The following ZNF513 variants were observed in gnomAD, a reference collection of about 807,000 sequenced individuals.
The protein encoded by ZNF513 is zinc finger protein 513.
ZNF513 carries 16 observed loss-of-function variants against 39.7 expected under a neutral mutation model. The ratio of observed to expected loss-of-function variants is 0.40; its 90% CI spans 0.27 to 0.61. ZNF513 has a LOEUF of 0.61. Ranked by LOEUF, ZNF513 falls within the 20% of genes least tolerant of loss-of-function variation. The pLI is 0.39. For missense variants in ZNF513, 699 were observed against 743.6 expected (o/e 0.94, Z 0.70); for synonymous variants, 348 against 296.5 (o/e 1.17, Z -1.79).
In ZNF513 at chr2:27,378,257, T is replaced by A; in HGVS notation, c.914A>T (p.Glu305Val). 1 of 1,601,888 alleles carries A rather than the reference T, an allele frequency of 6.2e-7. No individual in the cohort carries two copies. Among genetic ancestry groups the A allele is most frequent in the South Asian group, 1.1e-5 (1 of 91,080 alleles). ...EGEGLCGTGS[E>V]PLPELLFPWT... is the part of the protein sequence containing the mutation. Reference sequence around the variant, plus strand: ...AGGGAATAGCAGCTCTGGCAGTGGTTCTGATCCAGTCCCGCAGAGGCCCTC... The same window carrying A: ...AGGGAATAGCAGCTCTGGCAGTGGTACTGATCCAGTCCCGCAGAGGCCCTC... The change falls in exon 4 of 4, where the codon GAA becomes GTA. Residue 305 changes from glutamate to valine, a missense_variant. This residue lies in a region of ZNF513 where 530 missense variants were observed against 499.3 expected (regional missense o/e 1.06). Coordinates refer to ENST00000323703, the MANE Select transcript of ZNF513 (RefSeq NM_144631.6). This position sits in a 1 kb window ranked among gnomAD's most constrained non-coding sequence, Gnocchi z 8.0.
rs201381989 is a variant in ZNF513 at position 27,377,830 on chromosome 2, G to A, written c.1341C>T (p.Ser447=). Residue 447 remains serine, a synonymous_variant, in exon 4 of 4, where the codon AGC becomes AGT. Transcript: ENST00000323703. This position sits in a 1 kb window ranked among gnomAD's most constrained non-coding sequence, Gnocchi z 4.4. ...TCTGGTTGCAGCTGTAGTTGCAAAGGCTACACCGAAAAGGTTTGTCACCAG... is the reference window on the plus strand; with the variant it reads ...TCTGGTTGCAGCTGTAGTTGCAAAGACTACACCGAAAAGGTTTGTCACCAG... ...IHSGDKPFRC[S]LCNYSCNQSM... 3 of 1,614,194 alleles carry A rather than the reference G, an allele frequency of 1.9e-6. No individual in the cohort carries two copies. The highest frequency in any genetic ancestry group is 8.5e-7 in the Non-Finnish European group (1 of 1,180,024).
chr2:27,377,496 AG>A lies in ZNF513; in HGVS notation c.*48del, dbSNP rs1310293765. 1 of 1,598,144 alleles carries A rather than the reference AG, an allele frequency of 6.3e-7. No individual in the cohort carries two copies. The highest frequency in any genetic ancestry group is 8.6e-7 in the Non-Finnish European group (1 of 1,167,098). ...AGCCCCTGGCCAGCGGGGGAGAAAA[AG>A]GTGGCTTCTGGTCCGTCTGTATAAA... On this transcript the variant is annotated 3_prime_UTR_variant, in exon 4 of 4. Transcript: ENST00000323703. The surrounding 1 kb of genome is among the most constrained non-coding windows in gnomAD (Gnocchi z 4.4).
chr2:27,379,882 TCCTATCA>T (rs1324146712), intron 2 of ZNF513, among the ~76,000 whole-genome samples: 2 of 152,154 alleles, frequency 1.3e-5, no homozygotes, highest in African/African-American at 4.8e-5. Context: ...ACCCTCCTAT[TCCTATCA>T]CCTTTGACCA....
At position 27,378,735 on chromosome 2, in the gene ZNF513, C is replaced by G; in HGVS notation, c.531G>C (p.Pro177=). 1 of 1,613,970 alleles carries G rather than the reference C, an allele frequency of 6.2e-7. No individual in the cohort carries two copies. The highest frequency in any genetic ancestry group is 2.2e-5 in the East Asian group (1 of 44,876). ...RHMQTHSGEK[P]FRCGRCPYAS... is the part of the protein sequence containing the mutation. ...CGTAGGGGCAGCGGCCACAGCGGAACGGCTTCTCTCCGCTGTGTGTCTGCA... is the reference window on the plus strand; with the variant it reads ...CGTAGGGGCAGCGGCCACAGCGGAAGGGCTTCTCTCCGCTGTGTGTCTGCA... Residue 177 remains proline (P), a synonymous_variant, in exon 3 of 4, where the codon CCG becomes CCC. Coordinates refer to ENST00000323703, the MANE Select transcript of ZNF513 (RefSeq NM_144631.6). This position sits in a 1 kb window ranked among gnomAD's most constrained non-coding sequence, Gnocchi z 8.0.
Position 27,378,270 on chromosome 2 carries a change from C to G in ZNF513, c.901G>C (p.Gly301Arg), listed in dbSNP as rs373537069. The G allele has an allele frequency of 3.1e-6, 5 of 1,601,270 alleles. No homozygotes were observed. Among genetic ancestry groups the G allele is most frequent in the Non-Finnish European group, 3.4e-6 (4 of 1,179,954 alleles). ...TCTGGCAGTGGTTCTGATCCAGTCCCGCAGAGGCCCTCCCCTTCACCCCGC... is the reference window on the plus strand; with the variant it reads ...TCTGGCAGTGGTTCTGATCCAGTCCGGCAGAGGCCCTCCCCTTCACCCCGC... ...QLRGEGEGLCGTGSEPLPELL... is the reference protein window; with the variant it reads ...QLRGEGEGLCRTGSEPLPELL... Residue 301 changes from glycine (G) to arginine (R), a missense_variant, in exon 4 of 4, where the codon GGG (glycine) becomes CGG (arginine). This residue lies in a region of ZNF513 where 530 missense variants were observed against 499.3 expected (regional missense o/e 1.06). Transcript: ENST00000323703. This position sits in a 1 kb window ranked among gnomAD's most constrained non-coding sequence, Gnocchi z 8.0.
At position 27,380,698 on chromosome 2, in the gene ZNF513, CCCGCCG is replaced by C. The variant is rs1282763709; in HGVS notation, c.-178_-173del. ...GCCCCGGCGCCCAGCTCAGGCCGCT[CCCGCCG>C]CCGCCGCCGCTTCCATTCATGGAGC... On this transcript the variant is annotated 5_prime_UTR_variant, in exon 1 of 4. Coordinates refer to ENST00000323703, the MANE Select transcript of ZNF513 (RefSeq NM_144631.6). 10 of 1,141,158 alleles carry C rather than the reference CCCGCCG, an allele frequency of 8.8e-6. No homozygotes were observed. The East Asian group carries it at 9.7e-5, about 11-fold the overall frequency. The allele number at this position is 1,141,158 out of a possible 1,614,324, so 70.7% of individuals were successfully genotyped here. A position where few individuals can be genotyped will look rare whatever the true frequency, so the allele number is the denominator to read the frequency against.
At chr2:27,379,117 C>A in intron 2 of ZNF513, 63 bp from the exon 3 acceptor site, 1 of 1,525,218 alleles carries the variant, frequency 6.6e-7, no homozygotes, top group Non-Finnish European at 9.0e-7. Context: ...AAACTCTCCC[C>A]TTTTCACTTA....
chr2:27,377,797 G>A lies in ZNF513; in HGVS notation c.1374C>T (p.Asn458=), dbSNP rs763195127. The A allele has an allele frequency of 2.6e-5, 42 of 1,614,058 alleles. No individual in the cohort carries two copies. The highest frequency in any genetic ancestry group is 1.6e-4 in the Middle Eastern group (1 of 6,084). The change falls in exon 4 of 4, where the codon AAC becomes AAT. Residue 458 remains asparagine (N), a synonymous_variant. Transcript: ENST00000323703. The surrounding 1 kb of genome is among the most constrained non-coding windows in gnomAD (Gnocchi z 4.4). ...LCNYSCNQSM[N]LKRHMLRHTG... is the part of the protein sequence containing the mutation. ...TGTGCCGCAGCATGTGACGTTTGAGGTTCATGCTCTGGTTGCAGCTGTAGT... is the reference window on the plus strand; with the variant it reads ...TGTGCCGCAGCATGTGACGTTTGAGATTCATGCTCTGGTTGCAGCTGTAGT...
chr2:27,377,541 T>G lies in ZNF513; in HGVS notation c.*4A>C. 6.2e-7 allele frequency: 1 copy of G among 1,613,950 alleles called. No individual in the cohort carries two copies. Among genetic ancestry groups the G allele is most frequent in the Non-Finnish European group, 8.5e-7 (1 of 1,179,984 alleles). ...GTATAAAACATGGGGAAGAAGGACC[T>G]AGTTCAGGATGAGTCTGTGTGGACA... is the stretch of plus-strand genomic sequence containing the variant. On this transcript the variant is annotated 3_prime_UTR_variant, in exon 4 of 4. Transcript: ENST00000323703. The surrounding 1 kb of genome is among the most constrained non-coding windows in gnomAD (Gnocchi z 4.4).
At chr2:27,379,718 G>T (rs1274496222) in intron 2 of ZNF513, among the ~76,000 whole-genome samples, 1 of 152,208 alleles carries the variant, frequency 6.6e-6, no homozygotes, top group Admixed American at 6.5e-5. Context: ...CGCTGCAGGT[G>T]AAAGGGAGTT....
chr2:27,378,720 G>A lies in ZNF513; in HGVS notation c.546C>T (p.Arg182=), dbSNP rs911414016. 1 of 1,613,860 alleles carries A rather than the reference G, an allele frequency of 6.2e-7. No homozygotes were observed. Among genetic ancestry groups the A allele is most frequent in the African/African-American group, 1.3e-5 (1 of 74,930 alleles). The change falls in exon 3 of 4, where the codon CGC becomes CGT. Residue 182 remains arginine (R), a synonymous_variant. Coordinates refer to ENST00000323703, the MANE Select transcript of ZNF513 (RefSeq NM_144631.6). This position sits in a 1 kb window ranked among gnomAD's most constrained non-coding sequence, Gnocchi z 8.0. ...HSGEKPFRCG[R]CPYASAQLVN... ...CGAGCTGGGCTGAGGCGTAGGGGCA[G>A]CGGCCACAGCGGAACGGCTTCTCTC...
At chr2:27,379,358 T>C (rs1683513983) in intron 2 of ZNF513, among the ~76,000 whole-genome samples, 1 of 152,146 alleles carries the variant, frequency 6.6e-6, no homozygotes, top group South Asian at 2.1e-4. Context: ...ATAATGAAAT[T>C]AATTCTTGAG....
At position 27,377,847 on chromosome 2, in the gene ZNF513, T is replaced by A; in HGVS notation, c.1324A>T (p.Lys442Ter). 6.2e-7 allele frequency: 1 copy of A among 1,614,158 alleles called. No individual in the cohort carries two copies. Among genetic ancestry groups the A allele is most frequent in the Non-Finnish European group, 8.5e-7 (1 of 1,180,030 alleles). Residue 442 changes from lysine to a stop codon, truncating the protein, a stop_gained, in exon 4 of 4, where the codon AAA becomes TAA. Transcript: ENST00000323703. LOFTEE classifies it high-confidence loss of function. The surrounding 1 kb of genome is among the most constrained non-coding windows in gnomAD (Gnocchi z 4.4). ...TTGCAAAGGCTACACCGAAAAGGTTTGTCACCAGAGTGGATGCGACCATGA... is the reference window on the plus strand; with the variant it reads ...TTGCAAAGGCTACACCGAAAAGGTTAGTCACCAGAGTGGATGCGACCATGA... ...KRHGRIHSGD[K>*]PFRCSLCNYS...
intron 2 of ZNF513, 114 bp downstream of exon 2, chr2:27,379,979 A>T: frequency 7.0e-7 from 1 of 1,421,904 alleles, no homozygotes; most frequent in Non-Finnish European, 9.9e-7. Context: ...TCAAATGTAA[A>T]CTAAACCAGC....
rs753854785 is a variant in ZNF513, at chr2:27,378,843, C to T, written c.423G>A (p.Gly141=). The T allele has an allele frequency of 3.1e-6, 5 of 1,607,592 alleles. No individual in the cohort carries two copies. Among genetic ancestry groups the T allele is most frequent in the Non-Finnish European group, 4.2e-6 (5 of 1,177,026 alleles). ...ACAGTAGCCGTGGGGGCAGCAGGGG[C>T]CCCCCACCCGGCCCTCCTGCCCCAC... The part of the protein sequence containing the change: ...PCCGAGGPGG[G]PLLPPRLLYS... The change falls in exon 3 of 4, where the codon GGG becomes GGA. Residue 141 remains glycine (G), a synonymous_variant. Transcript: ENST00000323703. This position sits in a 1 kb window ranked among gnomAD's most constrained non-coding sequence, Gnocchi z 8.0.
chr2:27,380,263 G>A lies in ZNF513; in HGVS notation c.56-15C>T. The A allele has an allele frequency of 6.2e-7, 1 of 1,613,626 alleles. No individual in the cohort carries two copies. Among genetic ancestry groups the A allele is most frequent in the South Asian group, 1.1e-5 (1 of 91,054 alleles). Reference sequence around the variant, plus strand: ...TTCAGTATCCACTGAAGAGGGGAGGGGGCTTGTGGATTCTCCCTCAGGAAC... The same window carrying A: ...TTCAGTATCCACTGAAGAGGGGAGGAGGCTTGTGGATTCTCCCTCAGGAAC... On this transcript the variant is annotated splice_polypyrimidine_tract_variant and intron_variant, in intron 1 of 3. Transcript: ENST00000323703.
rs528281517 is a variant in ZNF513 at position 27,380,644 on chromosome 2, G to A, written c.-118C>T. 3.0e-4 allele frequency: 419 copies of A among 1,402,508 alleles called. 2 individuals carry two copies. In the African/African-American group the frequency reaches 4.5e-3, roughly 15 times the overall value. 86.9% of individuals were successfully genotyped at this position (1,402,508 alleles called of 1,614,324 possible). A position where few individuals can be genotyped will look rare whatever the true frequency, so the allele number is the denominator to read the frequency against. On this transcript the variant is annotated 5_prime_UTR_variant, in exon 1 of 4. Transcript: ENST00000323703. ...GCCCGCGGGCCGCCCCCATGCAGCG[G>A]CGCGGGCCCTGGGCAGCCCCCGGCC...
In ZNF513 at chr2:27,378,979, C is replaced by G. The variant is rs1403376240; in HGVS notation, c.287G>C (p.Ser96Thr). 6.2e-7 allele frequency: 1 copy of G among 1,612,954 alleles called. No homozygotes were observed. Among genetic ancestry groups the G allele is most frequent in the Non-Finnish European group, 8.5e-7 (1 of 1,179,906 alleles). The part of the protein sequence containing the change: ...DDESGGGRAL[S>T]AESEVEEPAR... ...TGGCTCCTCAACTTCACTCTCCGCA[C>G]TTAGTGCCCGGCCGCCCCCAGACTC... Residue 96 changes from serine to threonine, a missense_variant, in exon 3 of 4, where the codon AGT (serine) becomes ACT (threonine). Physicochemically the swap from Ser to Thr is moderately conservative, Grantham distance 58. Coordinates refer to ENST00000323703, the MANE Select transcript of ZNF513 (RefSeq NM_144631.6). This position sits in a 1 kb window ranked among gnomAD's most constrained non-coding sequence, Gnocchi z 8.0.
Position 27,380,599 on chromosome 2 carries a change from T to C in ZNF513, c.-73A>G, listed in dbSNP as rs1379139130. ...CCCGCCCCTCCTATCTCGGCCCGCC[T>C]GTCTGCCCTTCCTCTCAGGGCCCGC... On this transcript the variant is annotated 5_prime_UTR_variant, in exon 1 of 4. Coordinates refer to ENST00000323703, the MANE Select transcript of ZNF513 (RefSeq NM_144631.6). 7.2e-6 allele frequency: 11 copies of C among 1,536,864 alleles called. No individual in the cohort carries two copies. Among genetic ancestry groups the C allele is most frequent in the Non-Finnish European group, 7.9e-6 (9 of 1,138,954 alleles).
Sources: gnomAD v4.1 joint callset for allele counts (sites outside exome capture counted in the v4.1 genomes callset) on GRCh38, gnomAD v4.1.1 for gene constraint, gnomAD v4.1.1 regional missense constraint, Gnocchi (gnomAD v3.1) non-coding constraint, MANE v1.5 for transcripts, NCBI Gene and HGNC (gene_info 2026-07-23, HGNC 2026-07-21) for gene names.